FNDC3B: variants seen among roughly 807,000 people sequenced by gnomAD.
The protein encoded by FNDC3B is fibronectin type III domain-containing protein 3B.
A neutral mutation model predicts 151.5 loss-of-function variants in FNDC3B; 12 were observed. The observed-to-expected ratio is 0.08, with a 90% CI of 0.05 to 0.13. FNDC3B has a LOEUF of 0.13. FNDC3B is among the 10% of genes least tolerant of loss of function. FNDC3B has a pLI of 1.00. For missense variants in FNDC3B, 1,214 were observed against 1,505.3 expected, an observed-to-expected ratio of 0.81 and a Z score of 3.20; for synonymous variants, 528 against 549.0, an observed-to-expected ratio of 0.96 and a Z score of 0.54.
intron 1 of FNDC3B, among the ~76,000 whole-genome samples, chr3:172,065,877 G>A (rs772557529): frequency 2.6e-5 from 4 of 152,054 alleles, no homozygotes; most frequent in Non-Finnish European, 5.9e-5. Flanking sequence ...AGTGAGGGGA[G>A]GAAATTGTTG....
At chr3:172,239,856 CTTTTTTTTTTTT>C (rs71179981) in intron 4 of FNDC3B, among the ~76,000 whole-genome samples, 21 of 49,914 alleles carry the variant, frequency 4.2e-4, no homozygotes, top group Admixed American at 1.9e-3. Context: ...CATTTTAGTT[CTTTTTTTTTTTT>C]TTTTTTTTTT....
chr3:172,144,987 C>T lies in FNDC3B; in HGVS notation c.187+11441C>T, dbSNP rs543222663. 7.2e-4 allele frequency among the ~76,000 whole-genome samples: 109 copies of T among 151,888 alleles called. 5 individuals are homozygous for T. In the South Asian group the frequency reaches 0.022, roughly 31 times the overall value. On this transcript the variant is annotated intron_variant, in intron 3 of 25. Coordinates refer to ENST00000415807, the MANE Select transcript of FNDC3B (RefSeq NM_022763.4). ...CATTTCTTGTGTGGTTGGATAGACC[C>T]TCCTCCCCCTACCACTTTTTTTTTT...
At chr3:172,357,548 A>T (rs1177067855) in intron 22 of FNDC3B, among the ~76,000 whole-genome samples, 1 of 152,198 alleles carries the variant, frequency 6.6e-6, no homozygotes, top group Non-Finnish European at 1.5e-5. Flanking sequence ...TTTGCCCATT[A>T]GTCCAATGTC....
At chr3:172,103,937 C>T (rs1171759405) in intron 1 of FNDC3B, among the ~76,000 whole-genome samples, 3 of 152,142 alleles carry the variant, frequency 2.0e-5, no homozygotes, top group Non-Finnish European at 4.4e-5. Flanking sequence ...ACAATTATCA[C>T]CACTCCTTCT....
At chr3:172,106,662 A>G (rs1394523662) in intron 1 of FNDC3B, among the ~76,000 whole-genome samples, 1 of 152,194 alleles carries the variant, frequency 6.6e-6, no homozygotes, top group African/African-American at 2.4e-5. Flanking sequence ...CCCAGCAGTG[A>G]TTAGGGCTTT....
rs565631135 is a variant in FNDC3B, at chr3:172,268,520, C to A, written c.790+16979C>A. Among the ~76,000 whole-genome samples, 14 of 152,250 alleles carry A rather than the reference C, an allele frequency of 9.2e-5. 1 individual carries two copies. Among genetic ancestry groups the A allele is most frequent in the Admixed American group, 7.8e-4 (12 of 15,294 alleles). On this transcript the variant is annotated intron_variant, in intron 6 of 25. Transcript: ENST00000415807. ...AGCCAAGATAATATGTGACAGAGAA[C>A]GGCAGATACAAATACCATGACACTC...
chr3:172,287,082 C>G (rs1413522636), intron 7 of FNDC3B, among the ~76,000 whole-genome samples: 4 of 152,162 alleles, frequency 2.6e-5, no homozygotes. Context: ...TGCCTCCTCT[C>G]AGGAATTGCT....
chr3:172,353,709 G>A (rs547135550), intron 22 of FNDC3B, among the ~76,000 whole-genome samples: 1 of 152,294 alleles, frequency 6.6e-6, no homozygotes, highest in East Asian at 1.9e-4. Flanking sequence ...GTTTAGTAGT[G>A]TAGGAACTAT....
intron 25 of FNDC3B, among the ~76,000 whole-genome samples, chr3:172,391,145 A>G (rs1735988763): frequency 6.6e-6 from 1 of 152,236 alleles, no homozygotes. Flanking sequence ...AGAGACTTTA[A>G]GAAATTAACA....
At chr3:172,126,948 C>T (rs911614154) in intron 2 of FNDC3B, 2 of 454,026 alleles carry the variant, frequency 4.4e-6, no homozygotes, top group African/African-American at 4.0e-5. Flanking sequence ...AGGAGTCACT[C>T]TTGTTGCCGG....
At position 172,397,730 on chromosome 3, in the gene FNDC3B, C is replaced by T. The variant is rs1736364858; in HGVS notation, c.*255C>T. ...ATACCAGATACCAAAAGCTAGCTTTCTTATGTTTTCCTTTAAATTTTCAGA... is the reference window on the plus strand; with the variant it reads ...ATACCAGATACCAAAAGCTAGCTTTTTTATGTTTTCCTTTAAATTTTCAGA... On this transcript the variant is annotated 3_prime_UTR_variant, in exon 26 of 26. Coordinates refer to ENST00000415807, the MANE Select transcript of FNDC3B (RefSeq NM_022763.4). 4.0e-6 allele frequency: 1 copy of T among 249,504 alleles called. No homozygotes were observed. The highest frequency in any genetic ancestry group is 7.4e-6 in the Non-Finnish European group (1 of 135,228). 15.5% of individuals were successfully genotyped at this position (249,504 alleles called of 1,614,324 possible). A position where few individuals can be genotyped will look rare whatever the true frequency, so the allele number is the denominator to read the frequency against.
intron 14 of FNDC3B, 104 bp from the exon 15 acceptor site, chr3:172,334,840 T>C: frequency 1.0e-6 from 1 of 976,828 alleles, no homozygotes; most frequent in Non-Finnish European, 1.5e-6. Context: ...TGTGTGTGTG[T>C]CTGAGTTTAT....
chr3:172,346,544 GA>G (rs1478311305), intron 20 of FNDC3B, 104 bp downstream of exon 20: 1 of 324,510 alleles, frequency 3.1e-6, no homozygotes, highest in South Asian at 3.0e-5. Context: ...ACATATAGAT[GA>G]TTTTTTTTTT....
At chr3:172,113,931 C>T (rs779174235) in intron 2 of FNDC3B, among the ~76,000 whole-genome samples, 4 of 152,120 alleles carry the variant, frequency 2.6e-5, no homozygotes, top group Non-Finnish European at 4.4e-5. Context: ...CATACTCTGC[C>T]GTATCCACTT....
At chr3:172,256,963 C>G (rs1255150405) in intron 6 of FNDC3B, among the ~76,000 whole-genome samples, 1 of 151,434 alleles carries the variant, frequency 6.6e-6, no homozygotes, top group Non-Finnish European at 1.5e-5. Flanking sequence ...CAGAATCTGG[C>G]TCTGTCGCCC....
chr3:172,053,396 T>G (rs958695004), intron 1 of FNDC3B, among the ~76,000 whole-genome samples: 1 of 152,246 alleles, frequency 6.6e-6, no homozygotes, highest in Admixed American at 6.5e-5. Flanking sequence ...TGGTACAGTG[T>G]CTGTGTTCCC....
Position 172,182,245 on chromosome 3 carries a change from G to A in FNDC3B, c.188-44626G>A, listed in dbSNP as rs138133732. On this transcript the variant is annotated intron_variant, in intron 3 of 25. Transcript: ENST00000415807. Reference sequence around the variant, plus strand: ...GAGGAGAACAATTCTAGGAGCTGGCGTGGTCACAGGAAGGATAGAGAACAC... The same window carrying A: ...GAGGAGAACAATTCTAGGAGCTGGCATGGTCACAGGAAGGATAGAGAACAC... Among the ~76,000 whole-genome samples, 457 of 152,322 alleles carry A rather than the reference G, an allele frequency of 3.0e-3. 5 individuals are homozygous for A. The highest frequency in any genetic ancestry group is 9.7e-3 in the African/African-American group (402 of 41,556).
chr3:172,057,245 G>A (rs1450786585), intron 1 of FNDC3B, among the ~76,000 whole-genome samples: 1 of 152,184 alleles, frequency 6.6e-6, no homozygotes, highest in African/African-American at 2.4e-5. Context: ...CCCAAGCTCT[G>A]CCTTTCATCT....
At chr3:172,048,438 T>G (rs575229067) in intron 1 of FNDC3B, among the ~76,000 whole-genome samples, 26 of 152,212 alleles carry the variant, frequency 1.7e-4, no homozygotes, top group Non-Finnish European at 3.2e-4. Context: ...AGGTAAACAT[T>G]ATTCTGAAGT....
Sources: gnomAD v4.1 joint callset for allele counts (sites outside exome capture counted in the v4.1 genomes callset) on GRCh38, gnomAD v4.1.1 for gene constraint, MANE v1.5 for transcripts, NCBI Gene and HGNC (gene_info 2026-07-23, HGNC 2026-07-21) for gene names.